SHANK2: variants seen among roughly 807,000 people sequenced by gnomAD.
SHANK2 encodes SH3 and multiple ankyrin repeat domains protein 2.
Under a neutral mutation model 133.7 loss-of-function variants are expected in SHANK2, and 43 were observed. The ratio of observed to expected loss-of-function variants is 0.32; its 90% CI spans 0.25 to 0.41. SHANK2 has a LOEUF of 0.41. Ranked by LOEUF, SHANK2 falls within the 10% of genes least tolerant of loss-of-function variation. SHANK2 has a pLI of 1.00. For missense variants in SHANK2, 1,994 were observed against 2,235.8 expected (o/e 0.89, Z 2.18); for synonymous variants, 1,017 against 952.8 (o/e 1.07, Z -1.24).
intron 2 of SHANK2, among the ~76,000 whole-genome samples, chr11:71,165,327 C>G (rs1487233675): frequency 3.3e-5 from 5 of 152,190 alleles, no homozygotes; most frequent in Non-Finnish European, 5.9e-5. Flanking sequence ...AGCCACCACT[C>G]CCAGCCTTGT....
At chr11:70,708,356 CT>C (rs1555025396) in intron 14 of SHANK2, among the ~76,000 whole-genome samples, 1 of 152,174 alleles carries the variant, frequency 6.6e-6, no homozygotes, top group Non-Finnish European at 1.5e-5. Context: ...TCCCGATGGA[CT>C]GCCCTGGACA....
rs1182316765 is a variant in SHANK2 at position 70,486,915 on chromosome 11, G to A, written c.3378C>T (p.Phe1126=). ...CGTCAGCAAAATCCCCCTCCTCGGGGAACATGGAGGGCCGCGTCCTGGGGG... is the reference window on the plus strand; with the variant it reads ...CGTCAGCAAAATCCCCCTCCTCGGGAAACATGGAGGGCCGCGTCCTGGGGG... ...PPAPRTRPSM[F]PEEGDFADED... Residue 1126 remains phenylalanine (F), a synonymous_variant, in exon 25 of 26, where the codon TTC becomes TTT. Coordinates refer to ENST00000601538, the MANE Select transcript of SHANK2 (RefSeq NM_012309.5). This position sits in a 1 kb window ranked among gnomAD's most constrained non-coding sequence, Gnocchi z 8.0. 1 of 1,612,614 alleles carries A rather than the reference G, an allele frequency of 6.2e-7. No homozygotes were observed. The highest frequency in any genetic ancestry group is 2.2e-5 in the East Asian group (1 of 44,864).
chr11:71,202,598 C>T (rs1331972529), intron 2 of SHANK2, among the ~76,000 whole-genome samples: 2 of 152,122 alleles, frequency 1.3e-5, no homozygotes, highest in African/African-American at 4.8e-5. Context: ...CAAAAGGGGT[C>T]GATGTTGGCC....
At chr11:70,921,654 C>T (rs1270635103) in intron 10 of SHANK2, among the ~76,000 whole-genome samples, 1 of 152,224 alleles carries the variant, frequency 6.6e-6, no homozygotes, top group African/African-American at 2.4e-5. Context: ...GAGGCTCTCA[C>T]TTGAAAGTGC....
chr11:70,630,092 G>A (rs564217004), intron 17 of SHANK2, among the ~76,000 whole-genome samples: 3 of 152,212 alleles, frequency 2.0e-5, no homozygotes, highest in South Asian at 2.1e-4. Context: ...ATGCACTACC[G>A]TGGGCTTTGG....
chr11:70,660,966 G>A (rs1555013085), intron 16 of SHANK2, among the ~76,000 whole-genome samples: 2 of 152,242 alleles, frequency 1.3e-5, no homozygotes, highest in African/African-American at 4.8e-5. Flanking sequence ...AGGGGAAGCT[G>A]CGCGTGCAGG....
chr11:70,769,310 T>C (rs1947193518), intron 14 of SHANK2, among the ~76,000 whole-genome samples: 1 of 152,176 alleles, frequency 6.6e-6, no homozygotes, highest in Non-Finnish European at 1.5e-5. Flanking sequence ...TGCCCTCCTT[T>C]GCTCGCAGAC....
At chr11:71,071,503 AG>A (rs1377690532) in intron 9 of SHANK2, among the ~76,000 whole-genome samples, 27 of 152,376 alleles carry the variant, frequency 1.8e-4, no homozygotes, top group African/African-American at 5.5e-4. Context: ...CAGAGAAAAC[AG>A]GGAAGGCATA....
rs1480205260 is a variant in SHANK2 at position 70,487,494 on chromosome 11, G to T, written c.2799C>A (p.Ser933=). The T allele has an allele frequency of 3.1e-6, 5 of 1,613,948 alleles. No homozygotes were observed. Among genetic ancestry groups the T allele is most frequent in the Non-Finnish European group, 2.5e-6 (3 of 1,180,022 alleles). The stretch of plus-strand genomic sequence containing the variant: ...CCACGGTGTCGGACCTGGTGGCGGG[G>T]GACACCTTGGCGGCAGAATTCTGAT... ...AFNQNSAAKV[S]PATRSDTVAT... The change falls in exon 25 of 26, where the codon TCC becomes TCA. Residue 933 remains serine (S), a synonymous_variant. Transcript: ENST00000601538. This position sits in a 1 kb window ranked among gnomAD's most constrained non-coding sequence, Gnocchi z 5.8.
At position 70,830,164 on chromosome 11, in the gene SHANK2, A is replaced by T. The variant is rs920880196; in HGVS notation, c.1175-9482T>A. Among the ~76,000 whole-genome samples, 1 of 152,124 alleles carries T rather than the reference A, an allele frequency of 6.6e-6. No individual in the cohort carries two copies. The highest frequency in any genetic ancestry group is 2.4e-5 in the African/African-American group (1 of 41,408). On this transcript the variant is annotated intron_variant, in intron 11 of 25. Coordinates refer to ENST00000601538, the MANE Select transcript of SHANK2 (RefSeq NM_012309.5). The surrounding 1 kb of genome is among the most constrained non-coding windows in gnomAD (Gnocchi z 4.4). ...TTGTGCAGCCTCCAGGGCAGTTTTC[A>T]TCTGGTGTCCCCATCCCTGCCTTTC... is the stretch of plus-strand genomic sequence containing the variant.
chr11:71,157,765 T>C (rs534065154), intron 2 of SHANK2, among the ~76,000 whole-genome samples: 106 of 152,344 alleles, frequency 7.0e-4, no homozygotes, highest in African/African-American at 2.4e-3. Context: ...GTTTGTGATA[T>C]GCTGGCCTAC....
At chr11:70,620,980 C>A (rs2060821900) in intron 17 of SHANK2, among the ~76,000 whole-genome samples, 1 of 152,184 alleles carries the variant, frequency 6.6e-6, no homozygotes, top group African/African-American at 2.4e-5. Flanking sequence ...CATGTGGGGT[C>A]CGGTATGACG....
At chr11:70,585,730 T>C (rs905877838) in intron 17 of SHANK2, among the ~76,000 whole-genome samples, 4 of 151,524 alleles carry the variant, frequency 2.6e-5, no homozygotes, top group South Asian at 2.1e-4. Context: ...CATTCGTCCA[T>C]CCAACTAGCC....
chr11:70,474,231 A>C (rs1403131076), intron 25 of SHANK2: 1 of 153,000 alleles, frequency 6.5e-6, no homozygotes, highest in Non-Finnish European at 1.5e-5. Flanking sequence ...AGCCCCTTTC[A>C]TGTGAGAGGC....
intron 2 of SHANK2, among the ~76,000 whole-genome samples, chr11:71,215,619 T>C (rs4944476): frequency 0.75 from 114,058 of 152,134 alleles, 44,874 homozygotes; most frequent in Non-Finnish European, 0.87. Flanking sequence ...CCCGAGGAGG[T>C]GTCCCCACAT....
intron 15 of SHANK2, among the ~76,000 whole-genome samples, chr11:70,671,877 G>A (rs1944815643): frequency 6.6e-6 from 1 of 152,100 alleles, no homozygotes; most frequent in South Asian, 2.1e-4. Flanking sequence ...AACCCGAGGA[G>A]CTGTCCTGAA....
At chr11:70,691,890 T>C (rs1489434125) in intron 15 of SHANK2, among the ~76,000 whole-genome samples, 1 of 151,930 alleles carries the variant, frequency 6.6e-6, no homozygotes, top group Non-Finnish European at 1.5e-5. Flanking sequence ...CAAAACTCTG[T>C]CTCAAAAATA....
At chr11:71,221,722 AC>A (rs1434538185) in intron 2 of SHANK2, among the ~76,000 whole-genome samples, 1 of 152,070 alleles carries the variant, frequency 6.6e-6, no homozygotes, top group African/African-American at 2.4e-5. Flanking sequence ...TCACTAAATT[AC>A]CCCTCGAGGG....
At chr11:70,542,179 C>G (rs1403968345) in intron 17 of SHANK2, among the ~76,000 whole-genome samples, 1 of 152,230 alleles carries the variant, frequency 6.6e-6, no homozygotes, top group Admixed American at 6.5e-5. Flanking sequence ...ACCCCTGGCA[C>G]CTGCCAATGT....
Sources: allele counts gnomAD v4.1 joint callset (sites outside exome capture counted in the v4.1 genomes callset), GRCh38; gene constraint gnomAD v4.1.1; non-coding constraint Gnocchi (gnomAD v3.1); transcripts MANE v1.5; gene names NCBI Gene and HGNC (gene_info 2026-07-23, HGNC 2026-07-21).